PCM1: variants seen among roughly 807,000 people sequenced by gnomAD.
The protein encoded by PCM1 is pericentriolar material 1, also known as pericentriolar material 1 protein.
A neutral mutation model predicts 241.9 loss-of-function variants in PCM1; 157 were observed. That is an observed-to-expected ratio of 0.65 (90% confidence interval 0.57 to 0.74). The LOEUF (loss-of-function observed/expected upper bound fraction) is 0.74, where lower values mean the gene tolerates loss of function less well. Among genes scored for constraint, PCM1 ranks in the 30% least tolerant of loss-of-function variants. The probability of loss-of-function intolerance (pLI) is 0.00; values close to 1 mark genes in which losing one functional copy is unlikely to be tolerated. For missense variants in PCM1, 3,478 were observed against 2,360.1 expected, an observed-to-expected ratio of 1.47 and a Z score of -9.81; for synonymous variants, 1,085 against 784.9, an observed-to-expected ratio of 1.38 and a Z score of -6.39.
rs1239343713 is a variant in PCM1, at chr8:18,002,084, T to TTA, written c.4828-4178_4828-4177insAT. 8.6e-4 allele frequency among the ~76,000 whole-genome samples: 80 copies of TTA among 92,532 alleles called. 12 individuals carry two copies. The highest frequency in any genetic ancestry group is 1.2e-3 in the Non-Finnish European group (59 of 50,416). 60.7% of individuals were successfully genotyped at this position (92,532 alleles called of 152,430 possible). A position where few individuals can be genotyped will look rare whatever the true frequency, so the allele number is the denominator to read the frequency against. On this transcript the variant is annotated intron_variant, in intron 29 of 38. Transcript: ENST00000325083. ...TTTTTCTTTTTTTTTTTTTCTTTTT[T>TTA]TTATTATACTCTAAGTTATAGGGTA... is the stretch of plus-strand genomic sequence containing the variant.
chr8:18,007,644 CA>C (rs1177059797), intron 30 of PCM1, among the ~76,000 whole-genome samples: 4 of 152,106 alleles, frequency 2.6e-5, no homozygotes, highest in Non-Finnish European at 5.9e-5. Flanking sequence ...GATTTTTTCA[CA>C]AGAGGACATA....
intron 20 of PCM1, 118 bp downstream of exon 20, chr8:17,966,591 C>T (rs1490207608): frequency 2.5e-6 from 2 of 797,758 alleles, no homozygotes; most frequent in Non-Finnish European, 3.9e-6. Flanking sequence ...CATTCTCTTT[C>T]CCTTGAGAAT....
chr8:18,027,254 G>C (rs1327982286), intron 38 of PCM1, among the ~76,000 whole-genome samples: 3 of 141,670 alleles, frequency 2.1e-5, no homozygotes, highest in Admixed American at 1.4e-4. Context: ...GCAAGTGTTT[G>C]AACTGCAGCT....
At chr8:17,960,903 A>G (rs1381935168) in intron 15 of PCM1, among the ~76,000 whole-genome samples, 1 of 152,126 alleles carries the variant, frequency 6.6e-6, no homozygotes, top group Non-Finnish European at 1.5e-5. Context: ...AGTTGGGGTT[A>G]TACGTTTACA....
At chr8:17,989,633 A>C (rs550112020) in intron 26 of PCM1, among the ~76,000 whole-genome samples, 56 of 152,126 alleles carry the variant, frequency 3.7e-4, no homozygotes, top group African/African-American at 1.2e-3. Flanking sequence ...TTATCTACAT[A>C]ATAAATATTC....
At chr8:17,939,133 C>T (rs573662185) in intron 5 of PCM1, 124 bp downstream of exon 5, 1 of 815,562 alleles carries the variant, frequency 1.2e-6, no homozygotes, top group African/African-American at 1.7e-5. Context: ...GCTTCACTGA[C>T]CTCCTTTGTT....
At chr8:17,929,644 C>T (rs1002063858) in intron 2 of PCM1, among the ~76,000 whole-genome samples, 4 of 152,160 alleles carry the variant, frequency 2.6e-5, no homozygotes, top group South Asian at 4.1e-4. Flanking sequence ...TTTAACTCTA[C>T]TATCCTTTAA....
intron 29 of PCM1, among the ~76,000 whole-genome samples, chr8:18,003,127 T>C (rs1055049208): frequency 2.6e-5 from 4 of 152,238 alleles, no homozygotes; most frequent in African/African-American, 4.8e-5. Flanking sequence ...CTATGTAATA[T>C]TTGTCTGCCT....
At chr8:17,929,702 A>C (rs979745510) in intron 2 of PCM1, among the ~76,000 whole-genome samples, 5 of 152,106 alleles carry the variant, frequency 3.3e-5, no homozygotes, top group African/African-American at 7.2e-5. Context: ...AGTCTGCCCT[A>C]TTCTGTGTGG....
intron 4 of PCM1, among the ~76,000 whole-genome samples, chr8:17,937,642 C>T (rs991174627): frequency 1.3e-4 from 20 of 152,080 alleles, no homozygotes; most frequent in Admixed American, 3.3e-4. Flanking sequence ...TTTTACTATA[C>T]AACTAAATTT....
chr8:17,958,426 C>T (rs908186457), intron 13 of PCM1, among the ~76,000 whole-genome samples: 5 of 151,906 alleles, frequency 3.3e-5, no homozygotes, highest in Non-Finnish European at 7.4e-5. Context: ...CTATAATGTA[C>T]AATTGTATAT....
rs778689206 is a variant in PCM1 at position 17,972,679 on chromosome 8, A to T, written c.3935A>T (p.Lys1312Ile). The T allele has an allele frequency of 2.0e-6, 3 of 1,531,878 alleles. No homozygotes were observed. In the South Asian group the frequency reaches 3.8e-5, roughly 19 times the overall value. The allele number at this position is 1,531,878 out of a possible 1,614,324, so 94.9% of individuals were successfully genotyped here. ...TCTACTCAGCTGAAAAGCAGAGTTA[A>T]AAACATCAGTAAGTGTTGAAATTTG... is the stretch of plus-strand genomic sequence containing the variant. ...RNSTQLKSRVKNIRYESASMS... is the reference protein window; with the variant it reads ...RNSTQLKSRVINIRYESASMS... The change falls in exon 23 of 39, where the codon AAA (lysine) becomes ATA (isoleucine). Residue 1312 changes from lysine (K) to isoleucine (I), a missense_variant. Transcript: ENST00000325083.
At position 18,020,928 on chromosome 8, in the gene PCM1, C is replaced by G. The variant is rs570471526; in HGVS notation, c.5842-4433C>G. The stretch of plus-strand genomic sequence containing the variant: ...AGCTTCTTTCAGCTATTCTGCTGCC[C>G]TCACAAGTAGCTCTTAATAAAAATG... On this transcript the variant is annotated intron_variant, in intron 36 of 38. Transcript: ENST00000325083. Among the ~76,000 whole-genome samples the G allele has an allele frequency of 2.0e-5, 3 of 152,274 alleles. No individual in the cohort carries two copies. In the South Asian group the frequency reaches 6.2e-4, roughly 32 times the overall value.
At chr8:18,006,028 C>T (rs1564330345) in intron 29 of PCM1, 1 of 410,234 alleles carries the variant, frequency 2.4e-6, no homozygotes, top group Non-Finnish European at 4.3e-6. Flanking sequence ...TCAGCCAGTT[C>T]TTTTACTGGC....
chr8:17,947,824 A>T (rs938162081), intron 7 of PCM1, among the ~76,000 whole-genome samples: 1 of 152,162 alleles, frequency 6.6e-6, no homozygotes, highest in Non-Finnish European at 1.5e-5. Flanking sequence ...TGTTATTTTA[A>T]TTAGGTATCC....
At chr8:17,968,206 G>T (rs182161823) in intron 21 of PCM1, among the ~76,000 whole-genome samples, 1 of 152,168 alleles carries the variant, frequency 6.6e-6, no homozygotes, top group Non-Finnish European at 1.5e-5. Flanking sequence ...AGGTATTTAA[G>T]TGTGGCTAGT....
chr8:17,981,698 C>T (rs1005228895), intron 24 of PCM1, among the ~76,000 whole-genome samples: 1 of 152,180 alleles, frequency 6.6e-6, no homozygotes, highest in Non-Finnish European at 1.5e-5. Context: ...CAACAAATCT[C>T]ATTTGAGCCT....
chr8:17,956,620 C>T lies in PCM1; in HGVS notation c.1489C>T (p.Arg497Ter), dbSNP rs1378854968. The T allele has an allele frequency of 4.4e-6, 7 of 1,589,892 alleles. No homozygotes were observed. The highest frequency in any genetic ancestry group is 5.1e-6 in the Non-Finnish European group (6 of 1,166,702). ...SEKLQKLNEV[R>*]KRLNELRELV... The stretch of plus-strand genomic sequence containing the variant: ...GTTTATCAGGAAGTTAAATGAAGTT[C>T]GAAAGAGATTGAATGAGCTAAGAGA... The change falls in exon 11 of 39, where the codon CGA becomes TGA. Residue 497 changes from arginine to a stop codon, truncating the protein, a stop_gained. Coordinates refer to ENST00000325083, the MANE Select transcript of PCM1 (RefSeq NM_006197.4). LOFTEE classifies it high-confidence loss of function.
chr8:17,966,946 C>T, intron 20 of PCM1, 34 bp from the exon 21 acceptor site: 1 of 1,546,686 alleles, frequency 6.5e-7, no homozygotes, highest in Non-Finnish European at 8.7e-7. Flanking sequence ...GGCAATATAA[C>T]TGATTCTTAG....
Sources: allele counts gnomAD v4.1 joint callset (sites outside exome capture counted in the v4.1 genomes callset), GRCh38; gene constraint gnomAD v4.1.1; transcripts MANE v1.5; gene names NCBI Gene and HGNC (gene_info 2026-07-23, HGNC 2026-07-21).